The following LARS2 variants were observed in gnomAD, a reference collection of about 807,000 sequenced individuals.
LARS2 encodes leucyl-tRNA synthetase 2, mitochondrial, also known as leucine--tRNA ligase, mitochondrial.
In LARS2, 81 loss-of-function variants were observed where a neutral mutation model predicts 116.6. The observed-to-expected ratio is 0.69, with a 90% CI of 0.58 to 0.84. The LOEUF is 0.84. Ranked by LOEUF, LARS2 falls within the 40% of genes least tolerant of loss-of-function variation. The pLI is 0.00. For missense variants in LARS2, 968 were observed against 1,114.5 expected, an observed-to-expected ratio of 0.87 and a Z score of 1.87; for synonymous variants, 396 against 407.2, an observed-to-expected ratio of 0.97 and a Z score of 0.33.
chr3:45,468,244 A>G (rs11921901), intron 8 of LARS2, among the ~76,000 whole-genome samples: 79,675 of 152,092 alleles, frequency 0.52, 24,875 homozygotes, highest in East Asian at 0.78. Flanking sequence ...TATTCAATCT[A>G]TAGGGAGGCT....
At chr3:45,393,030 T>C (rs1302071681) in intron 2 of LARS2, among the ~76,000 whole-genome samples, 2 of 152,216 alleles carry the variant, frequency 1.3e-5, no homozygotes, top group East Asian at 3.8e-4. Flanking sequence ...CCTCAACCCT[T>C]TGAATAGCAA....
intron 18 of LARS2, among the ~76,000 whole-genome samples, chr3:45,519,490 CA>C (rs373279726): frequency 0.015 from 1,609 of 105,866 alleles, 22 homozygotes; most frequent in African/African-American, 0.054. Context: ...GTCTCCGTCT[CA>C]AAAAAAAAAA....
chr3:45,497,125 G>A (rs1700026423), intron 14 of LARS2, among the ~76,000 whole-genome samples: 1 of 146,918 alleles, frequency 6.8e-6, no homozygotes. Context: ...GTATAAACAT[G>A]TTTTTTTTTT....
chr3:45,474,320 T>C lies in LARS2; in HGVS notation c.828T>C (p.Cys276=). The change falls in exon 9 of 22, where the codon TGT becomes TGC. Residue 276 remains cysteine (C), a synonymous_variant. Transcript: ENST00000645846. ...KGMQAHWIGD[C]VGCHLDFTLK... ...TGCAAGCCCACTGGATTGGGGACTG[T>C]GTGGGCTGCCACCTGGACTTCACAT... 1 of 1,610,396 alleles carries C rather than the reference T, an allele frequency of 6.2e-7. No individual in the cohort carries two copies. The highest frequency in any genetic ancestry group is 8.5e-7 in the Non-Finnish European group (1 of 1,177,066).
intron 12 of LARS2, 45 bp from the exon 13 acceptor site, chr3:45,491,472 G>A (rs770091527): frequency 1.9e-6 from 3 of 1,591,952 alleles, no homozygotes; most frequent in East Asian, 2.2e-5. Flanking sequence ...GGTGGTGACT[G>A]GTGCTATGCG....
At chr3:45,435,452 G>T (rs1698782576) in intron 6 of LARS2, among the ~76,000 whole-genome samples, 1 of 152,230 alleles carries the variant, frequency 6.6e-6, no homozygotes, top group Admixed American at 6.5e-5. Context: ...TGGTGGGACT[G>T]CAGTTTTTTC....
chr3:45,500,724 T>G, intron 15 of LARS2, 145 bp downstream of exon 15: 1 of 603,570 alleles, frequency 1.7e-6, no homozygotes, highest in South Asian at 2.5e-5. Context: ...CCTTAATCAT[T>G]TGAGGTCCAT....
chr3:45,487,943 AC>A (rs1323485620), intron 11 of LARS2, among the ~76,000 whole-genome samples: 1 of 152,194 alleles, frequency 6.6e-6, no homozygotes, highest in Non-Finnish European at 1.5e-5. Flanking sequence ...AAACATAGTT[AC>A]CAGTTTTTGA....
intron 6 of LARS2, among the ~76,000 whole-genome samples, chr3:45,445,551 A>T (rs1034389136): frequency 3.9e-5 from 6 of 152,226 alleles, no homozygotes; most frequent in Non-Finnish European, 7.3e-5. Flanking sequence ...CTCAGAAATT[A>T]TGGCTCTTGT....
intron 21 of LARS2, among the ~76,000 whole-genome samples, chr3:45,542,993 G>A (rs1484716616): frequency 1.3e-5 from 2 of 152,278 alleles, no homozygotes; most frequent in African/African-American, 4.8e-5. Context: ...AGGTTGGCCA[G>A]CCAGGCCCTG....
At chr3:45,536,523 T>A (rs1700707396) in intron 20 of LARS2, among the ~76,000 whole-genome samples, 2 of 152,216 alleles carry the variant, frequency 1.3e-5, no homozygotes, top group South Asian at 4.1e-4. Context: ...GTACGTGGAA[T>A]GTGCCTGCAG....
chr3:45,537,484 A>G (rs1700724362), intron 20 of LARS2, among the ~76,000 whole-genome samples: 1 of 152,234 alleles, frequency 6.6e-6, no homozygotes, highest in South Asian at 2.1e-4. Context: ...TGATAATTAC[A>G]GGGGAGAATA....
Position 45,478,983 on chromosome 3 carries a change from A to C in LARS2, c.1018+2356A>C, listed in dbSNP as rs1699657132. Among the ~76,000 whole-genome samples the C allele has an allele frequency of 2.6e-5, 4 of 151,912 alleles. 1 individual carries two copies. Among genetic ancestry groups the C allele is most frequent in the Non-Finnish European group, 4.4e-5 (3 of 67,916 alleles). On this transcript the variant is annotated intron_variant, in intron 10 of 21. Transcript: ENST00000645846. ...CTGCTGTCATTTACCATTGCTGACC[A>C]CCTCATTTTTTTTCATTGAATGTCA...
chr3:45,429,112 C>T (rs1461490778), intron 6 of LARS2, among the ~76,000 whole-genome samples: 1 of 152,168 alleles, frequency 6.6e-6, no homozygotes, highest in Non-Finnish European at 1.5e-5. Flanking sequence ...CTAGATAAGT[C>T]CCCTGCATTA....
At chr3:45,463,816 TCTC>T (rs1310830993) in intron 8 of LARS2, among the ~76,000 whole-genome samples, 3 of 151,850 alleles carry the variant, frequency 2.0e-5, no homozygotes, top group Non-Finnish European at 2.9e-5. Flanking sequence ...AGCTGTCACA[TCTC>T]CTGCAAAAGA....
intron 10 of LARS2, among the ~76,000 whole-genome samples, chr3:45,477,081 T>C (rs1699626402): frequency 6.6e-6 from 1 of 152,218 alleles, no homozygotes; most frequent in Non-Finnish European, 1.5e-5. Context: ...AAAGAATTCA[T>C]GTGGTCATCT....
intron 21 of LARS2, among the ~76,000 whole-genome samples, chr3:45,545,424 A>G (rs1360711629): frequency 6.6e-6 from 1 of 152,216 alleles, no homozygotes; most frequent in Non-Finnish European, 1.5e-5. Context: ...AAGTGATGTC[A>G]ATGTGCTTCT....
chr3:45,446,861 C>T (rs80279363), intron 6 of LARS2, 30 bp from the exon 7 acceptor site: 2 of 1,380,456 alleles, frequency 1.4e-6, no homozygotes, highest in Non-Finnish European at 2.1e-6. Context: ...TTATAATGGC[C>T]TGTACATTAT....
intron 20 of LARS2, among the ~76,000 whole-genome samples, chr3:45,529,537 G>A (rs1350208549): frequency 2.2e-5 from 3 of 139,534 alleles, no homozygotes; most frequent in South Asian, 2.2e-4. Context: ...CAATGAGAGC[G>A]AAACTCCATC....
Sources: allele counts gnomAD v4.1 joint callset (sites outside exome capture counted in the v4.1 genomes callset), GRCh38; gene constraint gnomAD v4.1.1; transcripts MANE v1.5; gene names NCBI Gene and HGNC (gene_info 2026-07-23, HGNC 2026-07-21).